The following ERC2 variants were observed in gnomAD, a reference collection of about 807,000 sequenced individuals.
The protein encoded by ERC2 is ELKS/RAB6-interacting/CAST family member 2, also known as ERC protein 2.
Under a neutral mutation model 114.8 loss-of-function variants are expected in ERC2, and 42 were observed. That is an observed-to-expected ratio of 0.37 (90% CI 0.29 to 0.47). The LOEUF (loss-of-function observed/expected upper bound fraction) is 0.47. Ranked by LOEUF, ERC2 falls within the 20% of genes least tolerant of loss-of-function variation. The probability of loss-of-function intolerance (pLI) is 0.99; values close to 1 mark genes in which losing one functional copy is unlikely to be tolerated. For synonymous variants in ERC2, 454 were observed against 425.5 expected (o/e 1.07, Z -0.82); for missense variants, 939 against 1,150.7 (o/e 0.82, Z 2.66).
chr3:56,436,801 G>A (rs528446415), intron 1 of ERC2, among the ~76,000 whole-genome samples: 1 of 152,340 alleles, frequency 6.6e-6, no homozygotes, highest in South Asian at 2.1e-4. Flanking sequence ...AGATAGAGCT[G>A]TGAGTACTTC....
intron 14 of ERC2, among the ~76,000 whole-genome samples, chr3:55,858,410 G>C (rs2061880807): frequency 2.0e-5 from 3 of 152,124 alleles, no homozygotes. Context: ...ATACTTAAAA[G>C]TACTTAAAAC....
At chr3:56,164,012 T>C (rs1319599753) in intron 4 of ERC2, among the ~76,000 whole-genome samples, 1 of 152,104 alleles carries the variant, frequency 6.6e-6, no homozygotes, top group African/African-American at 2.4e-5. Context: ...CATTCTTTTG[T>C]ATCCATATTT....
chr3:56,461,543 C>A (rs1485712982), intron 1 of ERC2, among the ~76,000 whole-genome samples: 6 of 152,100 alleles, frequency 3.9e-5, no homozygotes. Flanking sequence ...CCAACATATG[C>A]CTGGAAGGAA....
At chr3:56,284,467 T>G (rs763424979) in intron 3 of ERC2, among the ~76,000 whole-genome samples, 99 of 152,314 alleles carry the variant, frequency 6.5e-4, no homozygotes, top group African/African-American at 2.2e-3. Flanking sequence ...AAAGAAAAGG[T>G]AATTTTGAAC....
Position 55,992,324 on chromosome 3 carries a change from T to C in ERC2, c.2062-74A>G, listed in dbSNP as rs2071140834. ...CAATAGACAGTGCTGTCACCAATGG[T>C]CCAGAAATTAACTTTGGAGAGAAAA... On this transcript the variant is annotated intron_variant, in intron 10 of 17. Coordinates refer to ENST00000288221, the MANE Select transcript of ERC2 (RefSeq NM_015576.3). 7 of 1,308,808 alleles carry C rather than the reference T, an allele frequency of 5.3e-6. No homozygotes were observed. The East Asian group carries it at 1.7e-4, about 31-fold the overall frequency. 81.1% of individuals were successfully genotyped at this position (1,308,808 alleles called of 1,614,324 possible). A position where few individuals can be genotyped will look rare whatever the true frequency, so the allele number is the denominator to read the frequency against.
intron 13 of ERC2, among the ~76,000 whole-genome samples, chr3:55,944,613 T>C (rs2067014317): frequency 6.6e-6 from 1 of 152,218 alleles, no homozygotes; most frequent in Non-Finnish European, 1.5e-5. Flanking sequence ...TTCTAACAAA[T>C]AGTTAGTTCC....
intron 17 of ERC2, chr3:55,657,576 C>T (rs963911851): frequency 1.3e-5 from 2 of 152,216 alleles, no homozygotes; most frequent in Non-Finnish European, 2.9e-5. Context: ...CCACCTCAGC[C>T]TCCTAAGTAG....
At chr3:56,426,348 C>T (rs2061568911) in intron 2 of ERC2, among the ~76,000 whole-genome samples, 1 of 152,230 alleles carries the variant, frequency 6.6e-6, no homozygotes, top group African/African-American at 2.4e-5. Context: ...CACAGATCTC[C>T]TTTAAGGTCT....
At chr3:56,286,521 T>A (rs1037696767) in intron 3 of ERC2, among the ~76,000 whole-genome samples, 2 of 149,500 alleles carry the variant, frequency 1.3e-5, no homozygotes, top group Non-Finnish European at 3.0e-5. Flanking sequence ...ATCCTCTAAA[T>A]ATAACTAATT....
chr3:55,705,596 T>C (rs1357635623), intron 15 of ERC2, among the ~76,000 whole-genome samples: 1 of 152,166 alleles, frequency 6.6e-6, no homozygotes, highest in South Asian at 2.1e-4. Context: ...GCCAGGCTCT[T>C]GGCATCTGTG....
chr3:55,613,656 G>A (rs995169806), intron 17 of ERC2, among the ~76,000 whole-genome samples: 1 of 152,062 alleles, frequency 6.6e-6, no homozygotes, highest in Admixed American at 6.6e-5. Context: ...GAAGAAGTCG[G>A]GATAATGGCA....
At chr3:55,530,447 C>T (rs2053592979) in intron 17 of ERC2, among the ~76,000 whole-genome samples, 1 of 124,434 alleles carries the variant, frequency 8.0e-6, no homozygotes, top group African/African-American at 2.7e-5. Context: ...CCTGGTATGG[C>T]TTGAAACGTC....
At chr3:56,112,816 T>C (rs990179016) in intron 6 of ERC2, among the ~76,000 whole-genome samples, 1 of 152,052 alleles carries the variant, frequency 6.6e-6, no homozygotes, top group Admixed American at 6.6e-5. Context: ...AATTTCCCAT[T>C]TCCACCGGGA....
intron 17 of ERC2, among the ~76,000 whole-genome samples, chr3:55,564,344 A>AT (rs2056227782): frequency 6.6e-6 from 1 of 152,168 alleles, no homozygotes. Context: ...TTTAAAAGAG[A>AT]TTGCAAAATA....
At chr3:56,031,694 CA>C (rs1289803671) in intron 7 of ERC2, among the ~76,000 whole-genome samples, 2 of 152,132 alleles carry the variant, frequency 1.3e-5, no homozygotes, top group African/African-American at 4.8e-5. Context: ...CAATTCATAA[CA>C]ATCATCTTTA....
At chr3:55,952,170 C>CTATATATAT (rs1156431343) in intron 12 of ERC2, among the ~76,000 whole-genome samples, 2 of 64,556 alleles carry the variant, frequency 3.1e-5, no homozygotes, top group African/African-American at 1.0e-4. Context: ...CACACACACA[C>CTATATATAT]ACACACACAC....
At position 56,434,716 on chromosome 3, in the gene ERC2, T is replaced by A. The variant is rs779021331; in HGVS notation, c.292A>T (p.Met98Leu). The A allele has an allele frequency of 1.2e-6, 2 of 1,614,004 alleles. No homozygotes were observed. Among genetic ancestry groups the A allele is most frequent in the Admixed American group, 1.7e-5 (1 of 60,024 alleles). The change falls in exon 2 of 18, where the codon ATG becomes TTG. Residue 98 changes from methionine to leucine, a missense_variant. Physicochemically the swap from Met to Leu is conservative, Grantham distance 15. Transcript: ENST00000288221. The stretch of plus-strand genomic sequence containing the variant: ...GAAGCAATATTGGGACTACTCCCCA[T>A]GGCTGTGACACGGCCTCCATATACA... The part of the protein sequence containing the change: ...RAVYGGRVTA[M>L]GSSPNIASAG...
At chr3:55,883,661 G>A (rs942119408) in intron 14 of ERC2, among the ~76,000 whole-genome samples, 29 of 152,040 alleles carry the variant, frequency 1.9e-4, no homozygotes, top group African/African-American at 4.8e-4. Context: ...AGGCTGAGGC[G>A]GGTGGATCAC....
intron 17 of ERC2, among the ~76,000 whole-genome samples, chr3:55,556,421 C>A (rs987853283): frequency 2.6e-5 from 4 of 152,204 alleles, no homozygotes; most frequent in African/African-American, 9.6e-5. Context: ...GGAAGACAGA[C>A]CAAGTTCCCA....
Sources: gnomAD v4.1 joint callset for allele counts (sites outside exome capture counted in the v4.1 genomes callset) on GRCh38, gnomAD v4.1.1 for gene constraint, MANE v1.5 for transcripts, NCBI Gene and HGNC (gene_info 2026-07-23, HGNC 2026-07-21) for gene names.